SLC24A3: variants seen among roughly 807,000 people sequenced by gnomAD.
SLC24A3 encodes solute carrier family 24 member 3.
A neutral mutation model predicts 75.8 loss-of-function variants in SLC24A3; 28 were observed. The observed-to-expected ratio is 0.37, with a 90% CI of 0.27 to 0.51. The LOEUF (loss-of-function observed/expected upper bound fraction) is 0.51, where lower values mean the gene tolerates loss of function less well. Among genes scored for constraint, SLC24A3 ranks in the 20% least tolerant of loss-of-function variants. The pLI is 0.94. For missense variants in SLC24A3, 663 were observed against 847.8 expected, an observed-to-expected ratio of 0.78 and a Z score of 2.71; for synonymous variants, 372 against 334.1, an observed-to-expected ratio of 1.11 and a Z score of -1.24.
At chr20:19,584,894 A>G in intron 4 of SLC24A3, 77 bp from the exon 5 acceptor site, 1 of 1,353,414 alleles carries the variant, frequency 7.4e-7, no homozygotes, top group Non-Finnish European at 1.0e-6. Flanking sequence ...CAGGGCTTGG[A>G]CTCTCGGGTG....
chr20:19,328,999 C>T (rs892423979), intron 2 of SLC24A3, among the ~76,000 whole-genome samples: 9 of 151,970 alleles, frequency 5.9e-5, no homozygotes, highest in South Asian at 4.2e-4. Flanking sequence ...ACCAGGGAGG[C>T]GGGAGTGAGC....
At chr20:19,343,113 G>GA (rs1306234698) in intron 2 of SLC24A3, among the ~76,000 whole-genome samples, 2 of 147,588 alleles carry the variant, frequency 1.4e-5, no homozygotes, top group Non-Finnish European at 3.0e-5. Flanking sequence ...AGAAAAGGCA[G>GA]AAAAATCATC....
intron 2 of SLC24A3, among the ~76,000 whole-genome samples, chr20:19,334,624 G>T (rs1985085094): frequency 6.6e-6 from 1 of 152,108 alleles, no homozygotes; most frequent in African/African-American, 2.4e-5. Flanking sequence ...TCTTAGGTGG[G>T]TTCCTAAAGA....
intron 2 of SLC24A3, among the ~76,000 whole-genome samples, chr20:19,427,770 C>T (rs1446354805): frequency 6.6e-6 from 1 of 152,212 alleles, no homozygotes; most frequent in Non-Finnish European, 1.5e-5. Context: ...AGGAGGGACT[C>T]CAGGCAGTGG....
chr20:19,695,827 T>C (rs2032798518), intron 13 of SLC24A3: 1 of 152,184 alleles, frequency 6.6e-6, no homozygotes, highest in Admixed American at 6.5e-5. Context: ...ACACATTACG[T>C]AGCACCCACT....
At chr20:19,649,639 T>C (rs541808618) in intron 6 of SLC24A3, among the ~76,000 whole-genome samples, 3 of 152,320 alleles carry the variant, frequency 2.0e-5, no homozygotes, top group African/African-American at 7.2e-5. Context: ...CTATTCTCTT[T>C]TTTGGCTACA....
At chr20:19,495,897 A>G (rs568037691) in intron 2 of SLC24A3, among the ~76,000 whole-genome samples, 1 of 152,280 alleles carries the variant, frequency 6.6e-6, no homozygotes, top group East Asian at 1.9e-4. Flanking sequence ...CCTGCTTCCA[A>G]CACACCAATA....
chr20:19,695,905 A>C (rs1162698080), intron 13 of SLC24A3, among the ~76,000 whole-genome samples: 1 of 152,182 alleles, frequency 6.6e-6, no homozygotes, highest in Admixed American at 6.5e-5. Flanking sequence ...GATGGTCCCC[A>C]GAAGCTATTA....
intron 2 of SLC24A3, among the ~76,000 whole-genome samples, chr20:19,325,232 G>A (rs942722217): frequency 6.6e-6 from 1 of 151,388 alleles, no homozygotes; most frequent in African/African-American, 2.4e-5. Flanking sequence ...GTTCCAGCCT[G>A]GGAAACATGG....
chr20:19,313,028 C>CTTTTTTTTTTTTTTT (rs747623530), intron 2 of SLC24A3, among the ~76,000 whole-genome samples: 7 of 68,276 alleles, frequency 1.0e-4, no homozygotes, highest in Non-Finnish European at 1.6e-4. Flanking sequence ...TTTTCTCTTG[C>CTTTTTTTTTTTTTTT]TTTTTTTTTT....
chr20:19,374,602 A>G (rs527475622), intron 2 of SLC24A3, among the ~76,000 whole-genome samples: 22 of 152,312 alleles, frequency 1.4e-4, no homozygotes, highest in Middle Eastern at 3.4e-3. Context: ...GTCCTTTCAC[A>G]GCATTACCTG....
chr20:19,719,103 G>A (rs1325278274), intron 16 of SLC24A3, among the ~76,000 whole-genome samples: 1 of 152,166 alleles, frequency 6.6e-6, no homozygotes, highest in Non-Finnish European at 1.5e-5. Context: ...GGAGCTATTG[G>A]CTGAGTCAGG....
rs1484914139 is a variant in SLC24A3 at position 19,609,569 on chromosome 20, C to T, written c.612+24025C>T. Among the ~76,000 whole-genome samples, 3 of 152,114 alleles carry T rather than the reference C, an allele frequency of 2.0e-5. No individual in the cohort carries two copies. The South Asian group carries it at 6.2e-4, about 32-fold the overall frequency. On this transcript the variant is annotated intron_variant, in intron 6 of 16. Coordinates refer to ENST00000328041, the MANE Select transcript of SLC24A3 (RefSeq NM_020689.4). ...TGTCCTAATGCTCTCCCTCCCCTTG[C>T]CCCCCACCTCCAACAGGCCCCGGTG...
At chr20:19,589,018 C>T (rs1038254487) in intron 6 of SLC24A3, among the ~76,000 whole-genome samples, 6 of 152,230 alleles carry the variant, frequency 3.9e-5, no homozygotes. Context: ...TGCCTTTCTT[C>T]AAATAATACT....
chr20:19,580,998 G>C (rs1188482606), intron 4 of SLC24A3, among the ~76,000 whole-genome samples: 1 of 152,186 alleles, frequency 6.6e-6, no homozygotes, highest in African/African-American at 2.4e-5. Context: ...CTGCTGCCTA[G>C]TCCAGGAACC....
intron 2 of SLC24A3, among the ~76,000 whole-genome samples, chr20:19,419,272 G>A (rs1170963917): frequency 2.6e-5 from 4 of 152,014 alleles, no homozygotes; most frequent in African/African-American, 9.7e-5. Flanking sequence ...GCAGACATTT[G>A]TGCTTCCTGG....
intron 16 of SLC24A3, among the ~76,000 whole-genome samples, chr20:19,717,813 A>G (rs1415234702): frequency 6.6e-6 from 1 of 152,190 alleles, no homozygotes; most frequent in Non-Finnish European, 1.5e-5. Context: ...GCATGGCCCT[A>G]TCTTACATAG....
chr20:19,230,664 G>GA (rs1228522004), intron 1 of SLC24A3, among the ~76,000 whole-genome samples: 1 of 130,156 alleles, frequency 7.7e-6, no homozygotes, highest in Admixed American at 8.0e-5. Context: ...ATATTGATGG[G>GA]GGGGGTGCCC....
chr20:19,602,746 C>T (rs1160331331), intron 6 of SLC24A3, among the ~76,000 whole-genome samples: 2 of 152,194 alleles, frequency 1.3e-5, no homozygotes, highest in Non-Finnish European at 2.9e-5. Context: ...GAAATCCCTG[C>T]TTATGGCTCT....
Sources: gnomAD v4.1 joint callset for allele counts (sites outside exome capture counted in the v4.1 genomes callset) on GRCh38, gnomAD v4.1.1 for gene constraint, MANE v1.5 for transcripts, NCBI Gene and HGNC (gene_info 2026-07-23, HGNC 2026-07-21) for gene names.